OSBPL10: variants seen among roughly 807,000 people sequenced by gnomAD.
The protein encoded by OSBPL10 is oxysterol-binding protein-related protein 10.
A neutral mutation model predicts 81.7 loss-of-function variants in OSBPL10; 49 were observed. The observed-to-expected ratio is 0.60, with a 90% CI of 0.48 to 0.76. The LOEUF (loss-of-function observed/expected upper bound fraction) is 0.76, where lower values mean the gene tolerates loss of function less well. OSBPL10 is among the 30% of genes least tolerant of loss of function. OSBPL10 has a pLI of 0.00. For synonymous variants in OSBPL10, 419 were observed against 383.6 expected, an observed-to-expected ratio of 1.09 and a Z score of -1.08; for missense variants, 923 against 987.8, an observed-to-expected ratio of 0.93 and a Z score of 0.88.
chr3:31,802,549 CAAAAAAAAAAA>C lies in OSBPL10; in HGVS notation c.729+27480_729+27490del, dbSNP rs746823677. Among the ~76,000 whole-genome samples the C allele has an allele frequency of 5.3e-5, 5 of 95,000 alleles. No homozygotes were observed. The East Asian group carries it at 1.3e-3, about 24-fold the overall frequency. The allele number at this position is 95,000 out of a possible 152,430, so 62.3% of individuals were successfully genotyped here. A position where few individuals can be genotyped will look rare whatever the true frequency, so the allele number is the denominator to read the frequency against. On this transcript the variant is annotated intron_variant, in intron 4 of 11. Transcript: ENST00000396556. ...CGCCACTGCACTCTAGCCTGGGTATCAAAAAAAAAAAAAAAAAAAAAAGAGAATTCTCTGGA... is the reference window on the plus strand; with the variant it reads ...CGCCACTGCACTCTAGCCTGGGTATCAAAAAAAAAAAGAGAATTCTCTGGA...
chr3:31,979,748 C>T (rs942232135), intron 1 of OSBPL10, among the ~76,000 whole-genome samples: 2 of 151,756 alleles, frequency 1.3e-5, no homozygotes, highest in African/African-American at 4.8e-5. Flanking sequence ...ACAGTAGTGC[C>T]ACATCTGTTC....
intron 2 of OSBPL10, among the ~76,000 whole-genome samples, chr3:31,994,860 A>G (rs1464011517): frequency 6.6e-6 from 1 of 152,130 alleles, no homozygotes; most frequent in Admixed American, 6.5e-5. Flanking sequence ...TATTTTCCCT[A>G]AGTGTCGGCT....
intron 3 of OSBPL10, among the ~76,000 whole-genome samples, chr3:31,847,023 C>T (rs1175813988): frequency 6.6e-6 from 1 of 152,004 alleles, no homozygotes; most frequent in Non-Finnish European, 1.5e-5. Context: ...CACAAATGTC[C>T]ACTCTCAGTC....
chr3:31,923,366 T>C (rs535222097), intron 1 of OSBPL10, among the ~76,000 whole-genome samples: 1 of 152,274 alleles, frequency 6.6e-6, no homozygotes, highest in East Asian at 1.9e-4. Flanking sequence ...AAGTTGTCAG[T>C]TTGAAAGGGA....
intron 1 of OSBPL10, among the ~76,000 whole-genome samples, chr3:31,881,946 G>A (rs1017400036): frequency 2.6e-5 from 4 of 152,148 alleles, no homozygotes; most frequent in East Asian, 1.9e-4. Context: ...GTTCAGGCTC[G>A]GGTCCACTCC....
At chr3:31,816,674 T>C (rs561365444) in intron 4 of OSBPL10, among the ~76,000 whole-genome samples, 1 of 152,246 alleles carries the variant, frequency 6.6e-6, no homozygotes, top group Non-Finnish European at 1.5e-5. Context: ...TGGCCTGAGT[T>C]CTCACCTGCA....
At chr3:31,805,987 C>T (rs1699513394) in intron 4 of OSBPL10, among the ~76,000 whole-genome samples, 1 of 152,230 alleles carries the variant, frequency 6.6e-6, no homozygotes, top group African/African-American at 2.4e-5. Context: ...CTGTCACTAT[C>T]TGCATGTACA....
chr3:31,709,015 C>T (rs1696166894), intron 6 of OSBPL10: 2 of 985,354 alleles, frequency 2.0e-6, no homozygotes, highest in African/African-American at 3.5e-5. Flanking sequence ...CCAACTGTGC[C>T]TCAAAGGCCA....
intron 6 of OSBPL10, among the ~76,000 whole-genome samples, chr3:31,702,825 C>G (rs1270879532): frequency 6.6e-6 from 1 of 152,172 alleles, no homozygotes; most frequent in Non-Finnish European, 1.5e-5. Flanking sequence ...TTCATTTTGC[C>G]TATTAGCAAG....
intron 2 of OSBPL10, among the ~76,000 whole-genome samples, chr3:31,995,235 T>C (rs1005306423): frequency 6.6e-6 from 1 of 152,126 alleles, no homozygotes; most frequent in Non-Finnish European, 1.5e-5. Context: ...GATTTCCCAA[T>C]CCTAGTAAGC....
At chr3:31,853,221 G>C (rs1166302396) in intron 3 of OSBPL10, among the ~76,000 whole-genome samples, 1 of 152,136 alleles carries the variant, frequency 6.6e-6, no homozygotes, top group Non-Finnish European at 1.5e-5. Context: ...TCCTGACCTG[G>C]CCTAAAGAGG....
intron 4 of OSBPL10, among the ~76,000 whole-genome samples, chr3:31,805,629 A>G (rs1267013841): frequency 6.6e-6 from 1 of 152,236 alleles, no homozygotes; most frequent in Non-Finnish European, 1.5e-5. Flanking sequence ...GAAATGATCC[A>G]CACAAAATAC....
At chr3:31,737,731 C>T (rs1697225821) in intron 5 of OSBPL10, among the ~76,000 whole-genome samples, 1 of 152,146 alleles carries the variant, frequency 6.6e-6, no homozygotes, top group Non-Finnish European at 1.5e-5. Context: ...GTGGCTCATT[C>T]CTGTAATCCC....
chr3:31,830,592 G>A (rs1026266251), intron 3 of OSBPL10, among the ~76,000 whole-genome samples: 1 of 152,098 alleles, frequency 6.6e-6, no homozygotes, highest in Admixed American at 6.6e-5. Context: ...TCTGTGGCTG[G>A]TCAGCCTCTG....
At chr3:31,773,902 G>A (rs549920829) in intron 4 of OSBPL10, among the ~76,000 whole-genome samples, 1 of 152,304 alleles carries the variant, frequency 6.6e-6, no homozygotes, top group Non-Finnish European at 1.5e-5. Context: ...GGTGGCTCAC[G>A]CCTGTAATCC....
At chr3:31,783,907 T>C (rs12491150) in intron 4 of OSBPL10, among the ~76,000 whole-genome samples, 74,271 of 133,122 alleles carry the variant, frequency 0.56, 21,829 homozygotes, top group East Asian at 0.8. Flanking sequence ...AAAAACATTA[T>C]AAACAAGATA....
chr3:31,925,966 G>A (rs969046077), intron 1 of OSBPL10, among the ~76,000 whole-genome samples: 2 of 151,982 alleles, frequency 1.3e-5, no homozygotes, highest in African/African-American at 4.8e-5. Context: ...CTGATCCATC[G>A]AGACCCAGGT....
chr3:31,955,917 T>G (rs1003998195), intron 1 of OSBPL10, among the ~76,000 whole-genome samples: 1 of 151,752 alleles, frequency 6.6e-6, no homozygotes, highest in African/African-American at 2.4e-5. Flanking sequence ...GTGACAAGTG[T>G]ATTTGATTCC....
At chr3:31,956,273 G>A (rs1698003990) in intron 1 of OSBPL10, among the ~76,000 whole-genome samples, 1 of 152,212 alleles carries the variant, frequency 6.6e-6, no homozygotes, top group South Asian at 2.1e-4. Context: ...CCACATTAGA[G>A]GGAGGGCAAA....
Sources: allele counts gnomAD v4.1 joint callset (sites outside exome capture counted in the v4.1 genomes callset), GRCh38; gene constraint gnomAD v4.1.1; transcripts MANE v1.5; gene names NCBI Gene and HGNC (gene_info 2026-07-23, HGNC 2026-07-21).